Variants in USP2 observed in about 807,000 individuals in gnomAD.
USP2 encodes ubiquitin specific peptidase 2.
In USP2, 33 loss-of-function variants were observed where a neutral mutation model predicts 72.0. The observed-to-expected ratio is 0.46, with a 90% CI of 0.35 to 0.61. USP2 has a LOEUF of 0.61. Among genes scored for constraint, USP2 ranks in the 20% least tolerant of loss-of-function variants. The pLI is 0.01. For missense variants in USP2, 691 were observed against 797.8 expected (o/e 0.87, Z 1.61); for synonymous variants, 296 against 312.5 (o/e 0.95, Z 0.56).
At chr11:119,379,776 T>C (rs1951038699) in intron 1 of USP2, among the ~76,000 whole-genome samples, 1 of 152,150 alleles carries the variant, frequency 6.6e-6, no homozygotes, top group African/African-American at 2.4e-5. Context: ...TCATGGCCCA[T>C]AGAGTTCAAT....
Position 119,356,663 on chromosome 11 carries a change from G to T in USP2, c.*172C>A. 1.5e-6 allele frequency: 1 copy of T among 657,946 alleles called. No homozygotes were observed. The highest frequency in any genetic ancestry group is 2.5e-6 in the Non-Finnish European group (1 of 396,826). The allele number at this position is 657,946 out of a possible 1,614,324, so 40.8% of individuals were successfully genotyped here. On this transcript the variant is annotated 3_prime_UTR_variant, in exon 13 of 13. Coordinates refer to ENST00000260187, the MANE Select transcript of USP2 (RefSeq NM_004205.5). ...CCGGGCCACAGCTCAGGAAAGCCCG[G>T]CTCCTTGCTCCAGACCCTGATCAGG...
Position 119,357,833 on chromosome 11 carries a change from T to C in USP2, c.1425A>G (p.Thr475=), listed in dbSNP as rs1252427047. The change falls in exon 10 of 13, where the codon ACA becomes ACG. Residue 475 remains threonine (T), a splice_region_variant and synonymous_variant. Coordinates refer to ENST00000260187, the MANE Select transcript of USP2 (RefSeq NM_004205.5). The part of the protein sequence containing the change: ...EDVLDGDEKP[T]CCRCRGRKRC... ...GTTTTCTGCCTCGGCAGCGACAGCATGTCTGAGAGACAAGACAAACAGAAA... is the reference window on the plus strand; with the variant it reads ...GTTTTCTGCCTCGGCAGCGACAGCACGTCTGAGAGACAAGACAAACAGAAA... 1.9e-6 allele frequency: 3 copies of C among 1,612,768 alleles called. No individual in the cohort carries two copies. The highest frequency in any genetic ancestry group is 1.3e-5 in the African/African-American group (1 of 74,866).
Position 119,381,548 on chromosome 11 carries a change from G to T in USP2, c.-117C>A, listed in dbSNP as rs1342160018. The T allele has an allele frequency of 2.5e-5, 39 of 1,535,940 alleles. No individual in the cohort carries two copies. Among genetic ancestry groups the T allele is most frequent in the Non-Finnish European group, 3.3e-5 (38 of 1,146,876 alleles). Reference sequence around the variant, plus strand: ...TGCGGGTGAGTCCCGGCTGGCGCTGGCGCGGCGCAGTGAGCACCAGCTGAC... The same window carrying T: ...TGCGGGTGAGTCCCGGCTGGCGCTGTCGCGGCGCAGTGAGCACCAGCTGAC... On this transcript the variant is annotated 5_prime_UTR_variant, in exon 1 of 13. Transcript: ENST00000260187.
intron 1 of USP2, among the ~76,000 whole-genome samples, chr11:119,375,163 A>G (rs1438373065): frequency 6.6e-6 from 1 of 152,350 alleles, no homozygotes; most frequent in South Asian, 2.1e-4. Context: ...CTGGCCACTC[A>G]GCAGACACTG....
rs1950961637 is a variant in USP2 at position 119,373,400 on chromosome 11, A to G, written c.81T>C (p.Tyr27=). The part of the protein sequence containing the change: ...YTDAHYAKSG[Y]GAYTPSSYGA... Reference sequence around the variant, plus strand: ...CATAGGAGGACGGGGTGTAGGCACCATAGCCCGACTTGGCATAGTGGGCAT... The same window carrying G: ...CATAGGAGGACGGGGTGTAGGCACCGTAGCCCGACTTGGCATAGTGGGCAT... The change falls in exon 2 of 13, where the codon TAT becomes TAC. Residue 27 remains tyrosine (Y), a synonymous_variant. Coordinates refer to ENST00000260187, the MANE Select transcript of USP2 (RefSeq NM_004205.5). 2 of 1,607,998 alleles carry G rather than the reference A, an allele frequency of 1.2e-6. No homozygotes were observed. Among genetic ancestry groups the G allele is most frequent in the Non-Finnish European group, 1.7e-6 (2 of 1,179,946 alleles).
chr11:119,363,716 G>A, intron 2 of USP2: 1 of 619,856 alleles, frequency 1.6e-6, no homozygotes, highest in Non-Finnish European at 2.4e-6. Context: ...CTTGCCAGGA[G>A]ACCCTGGGAA....
chr11:119,372,767 C>T lies in USP2; in HGVS notation c.714G>A (p.Glu238=), dbSNP rs1310014521. The T allele has an allele frequency of 1.3e-6, 2 of 1,564,962 alleles. No homozygotes were observed. The highest frequency in any genetic ancestry group is 1.9e-5 in the Admixed American group (1 of 51,998). Residue 238 remains glutamate, a synonymous_variant, in exon 2 of 13, where the codon GAG becomes GAA. Transcript: ENST00000260187. The part of the protein sequence containing the change: ...YRPIGRYTLW[E]TGKGQAPGPS... ...GCCCAGGGGCCTGACCCTTTCCCGT[C>T]TCCCACAGCGTGTAGCGGCCAATGG...
At chr11:119,364,325 G>T in intron 2 of USP2, 1 of 359,640 alleles carries the variant, frequency 2.8e-6, no homozygotes, top group Non-Finnish European at 3.9e-6. Context: ...GGACCCGAAC[G>T]AGGCGACAAG....
intron 1 of USP2, 89 bp from the exon 2 acceptor site, chr11:119,373,610 C>T (rs1950964691): frequency 8.0e-7 from 1 of 1,244,106 alleles, no homozygotes; most frequent in Non-Finnish European, 1.1e-6. Flanking sequence ...GGGCCAGAAC[C>T]TCAGAGCTCC....
chr11:119,364,208 T>G lies in USP2; in HGVS notation c.775-3974A>C, dbSNP rs1348480030. 3 of 1,136,480 alleles carry G rather than the reference T, an allele frequency of 2.6e-6. 1 individual carries two copies. The highest frequency in any genetic ancestry group is 3.2e-6 in the Non-Finnish European group (3 of 927,756). The allele number at this position is 1,136,480 out of a possible 1,614,324, so 70.4% of individuals were successfully genotyped here. On this transcript the variant is annotated intron_variant, in intron 2 of 12. Coordinates refer to ENST00000260187, the MANE Select transcript of USP2 (RefSeq NM_004205.5). ...TCCCGGCTCTCGCGCTCCGGCCGAC[T>G]GGCGGCCCCGCCGGCGCCTCGGGCC...
Position 119,379,345 on chromosome 11 carries a change from A to G in USP2, c.-42+2128T>C, listed in dbSNP as rs187822085. ...GGAACAATCGGGAGATTCAAGAGGA[A>G]AGAGCATTGAAAAGAGCACAGAGGG... On this transcript the variant is annotated intron_variant, in intron 1 of 12. Coordinates refer to ENST00000260187, the MANE Select transcript of USP2 (RefSeq NM_004205.5). 80 of 943,498 alleles carry G rather than the reference A, an allele frequency of 8.5e-5. No homozygotes were observed. The Middle Eastern group carries it at 3.3e-3, about 38-fold the overall frequency. The allele number at this position is 943,498 out of a possible 1,614,324, so 58.4% of individuals were successfully genotyped here. A position where few individuals can be genotyped will look rare whatever the true frequency, so the allele number is the denominator to read the frequency against.
At position 119,355,469 on chromosome 11, in the gene USP2, C is replaced by T. The variant is rs555440869; in HGVS notation, c.*1366G>A. 1 of 152,374 alleles carries T rather than the reference C, an allele frequency of 6.6e-6. No homozygotes were observed. The highest frequency in any genetic ancestry group is 2.1e-4 in the South Asian group (1 of 4,826). The allele number at this position is 152,374 out of a possible 1,614,324, so 9.4% of individuals were successfully genotyped here. A position where few individuals can be genotyped will look rare whatever the true frequency, so the allele number is the denominator to read the frequency against. ...TGTGTGGGTGAACAGCTTTACTCTC[C>T]AGGACAGCACAGAGTTTTATCCAAC... On this transcript the variant is annotated 3_prime_UTR_variant, in exon 13 of 13. Transcript: ENST00000260187.
chr11:119,373,043 C>T lies in USP2; in HGVS notation c.438G>A (p.Leu146=). 6.2e-7 allele frequency: 1 copy of T among 1,613,950 alleles called. No homozygotes were observed. The highest frequency in any genetic ancestry group is 2.2e-5 in the East Asian group (1 of 44,894). ...LTQKLDSQSD[L]ARDFSSLRTS... is the part of the protein sequence containing the mutation. ...TCCGGAGGCTGGAGAAATCCCGGGC[C>T]AGGTCTGATTGGCTGTCCAGCTTCT... The change falls in exon 2 of 13, where the codon CTG becomes CTA. Residue 146 remains leucine, a synonymous_variant. Coordinates refer to ENST00000260187, the MANE Select transcript of USP2 (RefSeq NM_004205.5).
chr11:119,357,478 C>T lies in USP2; in HGVS notation c.1609+5G>A. The T allele has an allele frequency of 6.2e-7, 1 of 1,614,126 alleles. No individual in the cohort carries two copies. Among genetic ancestry groups the T allele is most frequent in the Non-Finnish European group, 8.5e-7 (1 of 1,180,028 alleles). ...ATTCTGCCCTGCCTACTCAAAGATACTCACTGGTGTTTTCTGAGGCAAATT... is the reference window on the plus strand; with the variant it reads ...ATTCTGCCCTGCCTACTCAAAGATATTCACTGGTGTTTTCTGAGGCAAATT... On this transcript the variant is annotated splice_donor_5th_base_variant and intron_variant, in intron 11 of 12. Transcript: ENST00000260187.
rs552071331 is a variant in USP2 at position 119,360,174 on chromosome 11, A to G, written c.825+10T>C. 6.2e-7 allele frequency: 1 copy of G among 1,613,130 alleles called. No homozygotes were observed. Among genetic ancestry groups the G allele is most frequent in the South Asian group, 1.1e-5 (1 of 90,896 alleles). On this transcript the variant is annotated intron_variant, in intron 3 of 12. Coordinates refer to ENST00000260187, the MANE Select transcript of USP2 (RefSeq NM_004205.5). ...GGGCCTGGGGAAGAAGCAGGCCAGG[A>G]AAAACTCACCGTGTTCCCAAGGTTT... is the stretch of plus-strand genomic sequence containing the variant.
chr11:119,361,277 C>T (rs975086599), intron 2 of USP2, among the ~76,000 whole-genome samples: 15 of 152,174 alleles, frequency 9.9e-5, no homozygotes, highest in African/African-American at 1.9e-4. Flanking sequence ...ATAGCGGAGG[C>T]GGGTGAGGGG....
rs200291387 is a variant in USP2 at position 119,373,003 on chromosome 11, G to C, written c.478C>G (p.Arg160Gly). 6.2e-7 allele frequency: 1 copy of C among 1,613,744 alleles called. No homozygotes were observed. Among genetic ancestry groups the C allele is most frequent in the Non-Finnish European group, 8.5e-7 (1 of 1,180,030 alleles). ...FSSLRTSDSY[R>G]IDPRNLGRSP... ...CGGCCCAGGTTCCTGGGGTCTATCCGGTAGCTATCTGAGGTCCGGAGGCTG... is the reference window on the plus strand; with the variant it reads ...CGGCCCAGGTTCCTGGGGTCTATCCCGTAGCTATCTGAGGTCCGGAGGCTG... The change falls in exon 2 of 13, where the codon CGG becomes GGG. Residue 160 changes from arginine to glycine, a missense_variant. Transcript: ENST00000260187.
At chr11:119,359,374 G>A (rs1950726369) in intron 4 of USP2, 32 bp from the exon 5 acceptor site, 2 of 1,595,074 alleles carry the variant, frequency 1.3e-6, no homozygotes, top group African/African-American at 1.4e-5. Context: ...CAGGACAGCT[G>A]AGATATTTTC....
chr11:119,356,718 G>T lies in USP2; in HGVS notation c.*117C>A. 1 of 1,112,852 alleles carries T rather than the reference G, an allele frequency of 9.0e-7. No individual in the cohort carries two copies. The highest frequency in any genetic ancestry group is 1.3e-6 in the Non-Finnish European group (1 of 789,834). 68.9% of individuals were successfully genotyped at this position (1,112,852 alleles called of 1,614,324 possible). Reference sequence around the variant, plus strand: ...ATCCACTCCTGCTCGGCAGCTTCAGGTTTGTTTTTCTCTTGTCAGGTTTGT... The same window carrying T: ...ATCCACTCCTGCTCGGCAGCTTCAGTTTTGTTTTTCTCTTGTCAGGTTTGT... On this transcript the variant is annotated 3_prime_UTR_variant, in exon 13 of 13. Coordinates refer to ENST00000260187, the MANE Select transcript of USP2 (RefSeq NM_004205.5).
Sources: allele counts gnomAD v4.1 joint callset (sites outside exome capture counted in the v4.1 genomes callset), GRCh38; gene constraint gnomAD v4.1.1; transcripts MANE v1.5; gene names NCBI Gene and HGNC (gene_info 2026-07-23, HGNC 2026-07-21).